Variants in GPR179 observed in about 807,000 individuals in gnomAD.
GPR179 encodes probable G protein-coupled receptor 179.
Under a neutral mutation model 70.8 loss-of-function variants are expected in GPR179, and 52 were observed. That is an observed-to-expected ratio of 0.73 (90% CI 0.59 to 0.93). The LOEUF (loss-of-function observed/expected upper bound fraction) is 0.93. Ranked by LOEUF, GPR179 falls within the 40% of genes least tolerant of loss-of-function variation. The probability of loss-of-function intolerance (pLI) is 0.00; values close to 1 mark genes in which losing one functional copy is unlikely to be tolerated. For synonymous variants in GPR179, 1,123 were observed against 1,169.0 expected, an observed-to-expected ratio of 0.96 and a Z score of 0.80; for missense variants, 2,734 against 2,966.8, an observed-to-expected ratio of 0.92 and a Z score of 1.82.
Position 38,331,517 on chromosome 17 carries a change from C to T in GPR179, c.2052G>A (p.Lys684=). 1 of 1,605,714 alleles carries T rather than the reference C, an allele frequency of 6.2e-7. No individual in the cohort carries two copies. Residue 684 remains lysine, a synonymous_variant, in exon 11 of 11, where the codon AAG becomes AAA. Coordinates refer to ENST00000616987, the MANE Select transcript of GPR179 (RefSeq NM_001004334.4). ...TGTGGACCTCTAGCTGGGCATAGAG[C>T]TTCTTCAGCTCGTCCTGTGGGGCAG... ...DPGDIRDELK[K]LYAQLEVHKT...
In GPR179 at chr17:38,337,217, T is replaced by C; in HGVS notation, c.992-4A>G. 3.1e-6 allele frequency: 5 copies of C among 1,606,508 alleles called. No homozygotes were observed. Among genetic ancestry groups the C allele is most frequent in the Non-Finnish European group, 3.4e-6 (4 of 1,176,900 alleles). On this transcript the variant is annotated splice_polypyrimidine_tract_variant and splice_region_variant and intron_variant, in intron 3 of 10. Coordinates refer to ENST00000616987, the MANE Select transcript of GPR179 (RefSeq NM_001004334.4). ...TGGAAGTCACTCTCCTCTAACCCTA[T>C]AAAGAACAAGATGAGTGCAGGGAGA...
In GPR179 at chr17:38,334,619, G is replaced by T; in HGVS notation, c.1784+85C>A. ...GAGGCGTAGCAGTGTTGCCAGGATG[G>T]CATGGGATGGGGGCACCTCACCTGG... is the stretch of plus-strand genomic sequence containing the variant. On this transcript the variant is annotated intron_variant, in intron 8 of 10. Coordinates refer to ENST00000616987, the MANE Select transcript of GPR179 (RefSeq NM_001004334.4). The surrounding 1 kb of genome is among the most constrained non-coding windows in gnomAD (Gnocchi z 4.7). 1 of 1,495,444 alleles carries T rather than the reference G, an allele frequency of 6.7e-7. No homozygotes were observed. 92.6% of individuals were successfully genotyped at this position (1,495,444 alleles called of 1,614,324 possible).
chr17:38,337,773 G>A, intron 2 of GPR179, 53 bp from the exon 3 acceptor site: 1 of 1,505,564 alleles, frequency 6.6e-7, no homozygotes, highest in Non-Finnish European at 9.2e-7. Context: ...CTCTGGAAGA[G>A]CTTTCCCTCC....
rs921229129 is a variant in GPR179 at position 38,343,877 on chromosome 17, C to T, written c.-88G>A. On this transcript the variant is annotated 5_prime_UTR_variant, in exon 1 of 11. In the 5' UTR this introduces an upstream ATG that the reference lacks. Transcript: ENST00000616987. The surrounding 1 kb of genome is among the most constrained non-coding windows in gnomAD (Gnocchi z 4.2). ...GCAGTCTGGGGGCTGTCGGCCTCCACGCCTCCTATGCTGGCGTTCCTTCTT... is the reference window on the plus strand; with the variant it reads ...GCAGTCTGGGGGCTGTCGGCCTCCATGCCTCCTATGCTGGCGTTCCTTCTT... The T allele has an allele frequency of 1.9e-5, 20 of 1,067,406 alleles. No homozygotes were observed. The highest frequency in any genetic ancestry group is 5.2e-5 in the East Asian group (2 of 38,252). 66.1% of individuals were successfully genotyped at this position (1,067,406 alleles called of 1,614,324 possible).
Position 38,334,649 on chromosome 17 carries a change from G to A in GPR179, c.1784+55C>T, listed in dbSNP as rs2037387132. The A allele has an allele frequency of 6.3e-7, 1 of 1,593,028 alleles. No individual in the cohort carries two copies. The highest frequency in any genetic ancestry group is 1.1e-5 in the South Asian group (1 of 90,418). On this transcript the variant is annotated intron_variant, in intron 8 of 10. Coordinates refer to ENST00000616987, the MANE Select transcript of GPR179 (RefSeq NM_001004334.4). This position sits in a 1 kb window ranked among gnomAD's most constrained non-coding sequence, Gnocchi z 4.7. Reference sequence around the variant, plus strand: ...GGATGGGGGCACCTCACCTGGGAGAGGTGAGGAGTACTGTTAGAGTGGAAG... The same window carrying A: ...GGATGGGGGCACCTCACCTGGGAGAAGTGAGGAGTACTGTTAGAGTGGAAG...
In GPR179 at chr17:38,331,094, C is replaced by G; in HGVS notation, c.2475G>C (p.Val825=). The G allele has an allele frequency of 6.2e-7, 1 of 1,601,544 alleles. No individual in the cohort carries two copies. Among genetic ancestry groups the G allele is most frequent in the Non-Finnish European group, 8.5e-7 (1 of 1,179,378 alleles). Residue 825 remains valine (V), a synonymous_variant, in exon 11 of 11, where the codon GTG becomes GTC. Transcript: ENST00000616987. ...GCCGGGCTCTGGGTAGCCTCTCTCC[C>G]ACCGTCAGGTTGTGGGCGCTGGCTG... ...FRSASAHNLT[V]GERLPRARPA... is the part of the protein sequence containing the mutation.
At chr17:38,337,484 T>C in intron 3 of GPR179, 149 bp downstream of exon 3, 1 of 728,636 alleles carries the variant, frequency 1.4e-6, no homozygotes, top group Non-Finnish European at 2.3e-6. Context: ...TGCAACCTGC[T>C]TGCCTCTCCT....
chr17:38,331,852 T>C (rs1045388226), intron 10 of GPR179, among the ~76,000 whole-genome samples: 2 of 152,114 alleles, frequency 1.3e-5, no homozygotes, highest in African/African-American at 4.8e-5. Context: ...TCATGACCCC[T>C]CCCTCTGAGC....
intron 10 of GPR179, among the ~76,000 whole-genome samples, chr17:38,332,785 T>C: frequency 6.6e-6 from 1 of 152,294 alleles, no homozygotes; most frequent in African/African-American, 2.4e-5. Context: ...AATTTTTGTA[T>C]TTCTAGTAGA....
chr17:38,337,501 C>T (rs577622643), intron 3 of GPR179, 132 bp downstream of exon 3: 1 of 813,884 alleles, frequency 1.2e-6, no homozygotes, highest in South Asian at 1.7e-5. Flanking sequence ...TCCTGCCTCT[C>T]TCAACCTTCT....
Position 38,327,372 on chromosome 17 carries a change from G to T in GPR179, c.6197C>A (p.Ala2066Glu). 6.2e-7 allele frequency: 1 copy of T among 1,614,224 alleles called. No individual in the cohort carries two copies. Among genetic ancestry groups the T allele is most frequent in the Non-Finnish European group, 8.5e-7 (1 of 1,180,054 alleles). The stretch of plus-strand genomic sequence containing the variant: ...CACAGCCTCCTGCTGCCTGAAGTCT[G>T]CCATCTCTGGCTTTTTCTGAACTGG... ...GVPVQKKPEM[A>E]DFRQQEAVCP... is the part of the protein sequence containing the mutation. Residue 2066 changes from alanine to glutamate, a missense_variant, in exon 11 of 11, where the codon GCA (alanine) becomes GAA (glutamate). Coordinates refer to ENST00000616987, the MANE Select transcript of GPR179 (RefSeq NM_001004334.4).
chr17:38,338,464 A>G (rs541817990), intron 2 of GPR179, among the ~76,000 whole-genome samples: 16 of 152,332 alleles, frequency 1.1e-4, no homozygotes, highest in Admixed American at 5.9e-4. Flanking sequence ...TAGTAGGGTT[A>G]GTGTGTGGTG....
rs1491466227 is a variant in GPR179, at chr17:38,330,258, TTC to T, written c.3309_3310del (p.Lys1104GlyfsTer36). Reference sequence around the variant, plus strand: ...CTCGGGACTCTCCTCCACACTCTCCTTCTCTCTGTAGGTGCTCCGAGAACGGG... The same window carrying T: ...CTCGGGACTCTCCTCCACACTCTCCTTCTCTGTAGGTGCTCCGAGAACGGG... On this transcript the variant is annotated frameshift_variant, in exon 11 of 11. Coordinates refer to ENST00000616987, the MANE Select transcript of GPR179 (RefSeq NM_001004334.4). LOFTEE classifies it low-confidence loss of function (END_TRUNC). The T allele has an allele frequency of 1.9e-6, 3 of 1,595,346 alleles. No homozygotes were observed. In the African/African-American group the frequency reaches 4.0e-5, roughly 21 times the overall value.
At position 38,326,491 on chromosome 17, in the gene GPR179, T is replaced by C; in HGVS notation, c.7078A>G (p.Thr2360Ala). Residue 2360 changes from threonine (T) to alanine (A), a missense_variant, in exon 11 of 11, where the codon ACT becomes GCT. Physicochemically the swap from Thr to Ala is moderately conservative, Grantham distance 58. Transcript: ENST00000616987. ...EAQYEEFTPPTVYPWDWE is the reference protein window; with the variant it reads ...EAQYEEFTPPAVYPWDWE ...TACTCCCAATCCCAAGGATAGACAG[T>C]GGGAGGGGTGAATTCTTCATACTGA... 7 of 1,610,660 alleles carry C rather than the reference T, an allele frequency of 4.3e-6. No homozygotes were observed. Among genetic ancestry groups the C allele is most frequent in the Non-Finnish European group, 5.9e-6 (7 of 1,177,320 alleles).
At chr17:38,336,242 G>C (rs941961883) in intron 4 of GPR179, 98 bp from the exon 5 acceptor site, 25 of 841,506 alleles carry the variant, frequency 3.0e-5, no homozygotes, top group Non-Finnish European at 4.8e-5. Flanking sequence ...CCTGAGCTAA[G>C]GCTTCACCCT....
At position 38,334,854 on chromosome 17, in the gene GPR179, C is replaced by G. The variant is rs748493657; in HGVS notation, c.1646-12G>C. The G allele has an allele frequency of 6.2e-7, 1 of 1,610,556 alleles. No homozygotes were observed. The highest frequency in any genetic ancestry group is 1.1e-5 in the South Asian group (1 of 91,048). On this transcript the variant is annotated splice_polypyrimidine_tract_variant and intron_variant, in intron 7 of 10. Coordinates refer to ENST00000616987, the MANE Select transcript of GPR179 (RefSeq NM_001004334.4). The surrounding 1 kb of genome is among the most constrained non-coding windows in gnomAD (Gnocchi z 4.7). Reference sequence around the variant, plus strand: ...CAGCAGCAGCTCAGCTGTGGGGAGACAGGGAGGGAGAGAGCCGGCACCACC... The same window carrying G: ...CAGCAGCAGCTCAGCTGTGGGGAGAGAGGGAGGGAGAGAGCCGGCACCACC...
rs367569792 is a variant in GPR179 at position 38,327,517 on chromosome 17, T to G, written c.6052A>C (p.Thr2018Pro). 1.2e-6 allele frequency: 2 copies of G among 1,614,136 alleles called. No individual in the cohort carries two copies. The highest frequency in any genetic ancestry group is 1.7e-6 in the Non-Finnish European group (2 of 1,180,016). Residue 2018 changes from threonine (T) to proline (P), a missense_variant, in exon 11 of 11, where the codon ACC becomes CCC. Thr to Pro is a conservative substitution (Grantham distance 38). Transcript: ENST00000616987. Reference sequence around the variant, plus strand: ...CTTTCAGTCACTTCCCAGGGACAGGTCTCAGCCTTGGCACTGCTGTCAGAT... The same window carrying G: ...CTTTCAGTCACTTCCCAGGGACAGGGCTCAGCCTTGGCACTGCTGTCAGAT... ...YKSDSSAKAE[T>P]CPWEVTERIP...
intron 1 of GPR179, among the ~76,000 whole-genome samples, chr17:38,340,850 G>A (rs1247574775): frequency 3.9e-5 from 6 of 152,158 alleles, no homozygotes; most frequent in East Asian, 1.9e-4. Context: ...CCCAGGAGGC[G>A]GAGGTTGCAG....
In GPR179 at chr17:38,330,643, G is replaced by T. The variant is rs1157507969; in HGVS notation, c.2926C>A (p.Leu976Met). Residue 976 changes from leucine (L) to methionine (M), a missense_variant, in exon 11 of 11, where the codon CTG (leucine) becomes ATG (methionine). By Grantham distance (15) the Leu-to-Met change is conservative. Coordinates refer to ENST00000616987, the MANE Select transcript of GPR179 (RefSeq NM_001004334.4). ...PALAPTPAPALAPVPVSPQSP... is the reference protein window; with the variant it reads ...PALAPTPAPAMAPVPVSPQSP... ...TGTGGGGATACTGGGACTGGTGCCA[G>T]GGCAGGGGCTGGGGTTGGAGCTAGA... is the stretch of plus-strand genomic sequence containing the variant. The T allele has an allele frequency of 1.3e-6, 2 of 1,594,610 alleles. No homozygotes were observed.
Sources: gnomAD v4.1 joint callset for allele counts (sites outside exome capture counted in the v4.1 genomes callset) on GRCh38, gnomAD v4.1.1 for gene constraint, Gnocchi (gnomAD v3.1) non-coding constraint, MANE v1.5 for transcripts, NCBI Gene and HGNC (gene_info 2026-07-23, HGNC 2026-07-21) for gene names.